SPATS2: variants seen among roughly 807,000 people sequenced by gnomAD.
The protein encoded by SPATS2 is spermatogenesis-associated serine-rich protein 2.
Under a neutral mutation model 63.7 loss-of-function variants are expected in SPATS2, and 38 were observed. The observed-to-expected ratio is 0.60, with a 90% CI of 0.46 to 0.78. The LOEUF (loss-of-function observed/expected upper bound fraction) is 0.78, where lower values mean the gene tolerates loss of function less well. SPATS2 is among the 30% of genes least tolerant of loss of function. The pLI, the probability that SPATS2 is intolerant of heterozygous loss-of-function variation, is 0.00. For missense variants in SPATS2, 588 were observed against 666.2 expected, an observed-to-expected ratio of 0.88 and a Z score of 1.29; for synonymous variants, 207 against 232.9, an observed-to-expected ratio of 0.89 and a Z score of 1.01.
intron 9 of SPATS2, among the ~76,000 whole-genome samples, chr12:49,501,820 T>C (rs938424447): frequency 6.6e-6 from 1 of 152,144 alleles, no homozygotes; most frequent in South Asian, 2.1e-4. Flanking sequence ...GGTTTCACCA[T>C]GTTGGCCAGG....
In SPATS2 at chr12:49,460,950, C is replaced by G. The variant is rs1368282754; in HGVS notation, c.-63C>G. The G allele has an allele frequency of 4.4e-6, 7 of 1,600,850 alleles. No homozygotes were observed. The highest frequency in any genetic ancestry group is 6.0e-6 in the Non-Finnish European group (7 of 1,170,320). On this transcript the variant is annotated 5_prime_UTR_variant, in exon 3 of 14. Transcript: ENST00000552918. ...CTTTTAAATCAGAGATACCTACACT[C>G]AAAACCCAGACAAGGCAAAAGGATA...
intron 3 of SPATS2, among the ~76,000 whole-genome samples, chr12:49,466,665 T>A (rs1203195950): frequency 6.6e-6 from 1 of 152,218 alleles, no homozygotes; most frequent in Non-Finnish European, 1.5e-5. Flanking sequence ...ATGTCTGTCT[T>A]TATGCTAGTA....
At chr12:49,450,206 C>G (rs1439284595) in intron 2 of SPATS2, among the ~76,000 whole-genome samples, 1 of 151,278 alleles carries the variant, frequency 6.6e-6, no homozygotes, top group Non-Finnish European at 1.5e-5. Flanking sequence ...TCCAGCCACT[C>G]TAACAATTTC....
At chr12:49,371,460 T>G (rs1488833720) in intron 2 of SPATS2, among the ~76,000 whole-genome samples, 170 bp downstream of exon 2, 3 of 152,248 alleles carry the variant, frequency 2.0e-5, no homozygotes, top group African/African-American at 4.8e-5. Context: ...TCATTCTCAA[T>G]GGACATTTGG....
At chr12:49,490,845 T>C in intron 6 of SPATS2, 114 bp downstream of exon 6, 1 of 1,004,320 alleles carries the variant, frequency 1.0e-6, no homozygotes, top group Non-Finnish European at 1.5e-6. Flanking sequence ...GTTTACCTGG[T>C]TAAAAAACAT....
chr12:49,518,819 TA>T (rs529017650), intron 10 of SPATS2, among the ~76,000 whole-genome samples: 1 of 152,260 alleles, frequency 6.6e-6, no homozygotes, highest in Non-Finnish European at 1.5e-5. Context: ...TGCATCTTGA[TA>T]AAATTTTTTT....
intron 2 of SPATS2, among the ~76,000 whole-genome samples, chr12:49,395,080 A>T (rs923043928): frequency 2.6e-5 from 4 of 152,102 alleles, no homozygotes; most frequent in African/African-American, 4.8e-5. Flanking sequence ...CTCGGGGGAT[A>T]AAAAAAGACA....
At chr12:49,472,900 G>A (rs781361702) in intron 3 of SPATS2, among the ~76,000 whole-genome samples, 15 of 151,172 alleles carry the variant, frequency 9.9e-5, no homozygotes, top group African/African-American at 1.5e-4. Context: ...TTAGCCAGAC[G>A]TGGTGGCGCA....
intron 2 of SPATS2, among the ~76,000 whole-genome samples, chr12:49,374,632 T>C (rs547252710): frequency 6.6e-6 from 1 of 152,288 alleles, no homozygotes; most frequent in East Asian, 1.9e-4. Flanking sequence ...AGGTAACTTC[T>C]GCAGCCATTG....
At chr12:49,446,545 A>G (rs996617243) in intron 2 of SPATS2, among the ~76,000 whole-genome samples, 5 of 152,162 alleles carry the variant, frequency 3.3e-5, no homozygotes, top group African/African-American at 1.2e-4. Flanking sequence ...GATTCTTCTC[A>G]GCTTCTAGAG....
chr12:49,421,135 A>T (rs1161343529), intron 2 of SPATS2, among the ~76,000 whole-genome samples: 1 of 152,116 alleles, frequency 6.6e-6, no homozygotes, highest in African/African-American at 2.4e-5. Context: ...AATTCTTTGC[A>T]TTGGCCGGGT....
chr12:49,520,093 C>T (rs1946915780), intron 11 of SPATS2, among the ~76,000 whole-genome samples: 1 of 152,102 alleles, frequency 6.6e-6, no homozygotes, highest in Non-Finnish European at 1.5e-5. Flanking sequence ...GCTTCTCCTG[C>T]CTCAGCCTCC....
At chr12:49,522,081 C>A (rs1946951394) in intron 11 of SPATS2, among the ~76,000 whole-genome samples, 1 of 151,710 alleles carries the variant, frequency 6.6e-6, no homozygotes, top group African/African-American at 2.4e-5. Context: ...ATGAAATAGA[C>A]CCCCAGAAGC....
intron 2 of SPATS2, among the ~76,000 whole-genome samples, chr12:49,453,155 C>T (rs1363883842): frequency 7.5e-6 from 1 of 133,070 alleles, no homozygotes; most frequent in Non-Finnish European, 1.5e-5. Context: ...AGCGAGACTC[C>T]GTCTCAAAAA....
Position 49,500,066 on chromosome 12 carries a change from C to G in SPATS2, c.704-4C>G. 1.4e-6 allele frequency: 2 copies of G among 1,437,170 alleles called. No homozygotes were observed. The highest frequency in any genetic ancestry group is 1.8e-6 in the Non-Finnish European group (2 of 1,094,764). The allele number at this position is 1,437,170 out of a possible 1,614,324, so 89.0% of individuals were successfully genotyped here. ...TTTTTAATATTTCGGTTTTTTTCCCCAAGGTTCCAATATTGAAAAATCTGT... is the reference window on the plus strand; with the variant it reads ...TTTTTAATATTTCGGTTTTTTTCCCGAAGGTTCCAATATTGAAAAATCTGT... On this transcript the variant is annotated splice_polypyrimidine_tract_variant and splice_region_variant and intron_variant, in intron 8 of 13. Transcript: ENST00000552918.
intron 10 of SPATS2, 59 bp downstream of exon 10, chr12:49,514,672 C>T (rs2138046089): frequency 1.4e-6 from 2 of 1,470,288 alleles, no homozygotes; most frequent in South Asian, 1.2e-5. Flanking sequence ...GTACCTACTT[C>T]CCAACCCTTA....
chr12:49,470,509 A>G (rs1243131242), intron 3 of SPATS2, among the ~76,000 whole-genome samples: 3 of 152,248 alleles, frequency 2.0e-5, no homozygotes, highest in Non-Finnish European at 4.4e-5. Context: ...ATTGTAAATT[A>G]TATTTGTGGT....
At chr12:49,377,943 G>A (rs1460115405) in intron 2 of SPATS2, among the ~76,000 whole-genome samples, 1 of 152,030 alleles carries the variant, frequency 6.6e-6, no homozygotes, top group African/African-American at 2.4e-5. Context: ...CTACTATAGA[G>A]TTGTCATGAT....
At chr12:49,501,161 T>C (rs1255844631) in intron 9 of SPATS2, among the ~76,000 whole-genome samples, 13 of 152,182 alleles carry the variant, frequency 8.5e-5, no homozygotes, top group Non-Finnish European at 8.8e-5. Context: ...GGTCTCACTA[T>C]GTTGCCCAGG....
Sources: gnomAD v4.1 joint callset for allele counts (sites outside exome capture counted in the v4.1 genomes callset) on GRCh38, gnomAD v4.1.1 for gene constraint, MANE v1.5 for transcripts, NCBI Gene and HGNC (gene_info 2026-07-23, HGNC 2026-07-21) for gene names.